ZEB1: variants seen among roughly 807,000 people sequenced by gnomAD.
ZEB1 encodes zinc finger E-box binding homeobox 1.
Under a neutral mutation model 84.9 loss-of-function variants are expected in ZEB1, and 21 were observed. That is an observed-to-expected ratio of 0.25 (90% CI 0.18 to 0.36). ZEB1 has a LOEUF of 0.36. Ranked by LOEUF, ZEB1 falls within the 10% of genes least tolerant of loss-of-function variation. ZEB1 has a pLI of 1.00. For missense variants in ZEB1, 1,104 were observed against 1,330.2 expected (o/e 0.83, Z 2.65); for synonymous variants, 420 against 471.1 (o/e 0.89, Z 1.41).
intron 1 of ZEB1, among the ~76,000 whole-genome samples, chr10:31,445,352 T>C (rs28804789): frequency 2.8e-4 from 41 of 148,502 alleles, no homozygotes; most frequent in African/African-American, 7.8e-4. Flanking sequence ...ACAATCATGT[T>C]GTCTGCAAAC....
intron 1 of ZEB1, among the ~76,000 whole-genome samples, chr10:31,408,215 C>T (rs1007254807): frequency 1.1e-4 from 16 of 150,656 alleles, no homozygotes; most frequent in African/African-American, 3.9e-4. Flanking sequence ...TCAAGGAGAA[C>T]TACAAACCAC....
At chr10:31,460,292 A>G (rs989993773) in intron 1 of ZEB1, among the ~76,000 whole-genome samples, 7 of 152,142 alleles carry the variant, frequency 4.6e-5, no homozygotes, top group African/African-American at 1.7e-4. Context: ...ATTAAAAATT[A>G]TAGAAAAAGG....
intron 5 of ZEB1, among the ~76,000 whole-genome samples, chr10:31,513,340 G>A (rs1329055172): frequency 3.3e-5 from 5 of 152,176 alleles, no homozygotes; most frequent in Non-Finnish European, 7.3e-5. Flanking sequence ...TATTCACAGA[G>A]ATAGGAAATA....
chr10:31,402,207 G>A (rs1483247216), intron 1 of ZEB1, among the ~76,000 whole-genome samples: 1 of 151,960 alleles, frequency 6.6e-6, no homozygotes, highest in Non-Finnish European at 1.5e-5. Flanking sequence ...AGTGTAGGTT[G>A]GAGATGGTAT....
intron 1 of ZEB1, among the ~76,000 whole-genome samples, chr10:31,354,021 G>T (rs961459032): frequency 1.3e-5 from 2 of 152,200 alleles, no homozygotes; most frequent in African/African-American, 4.8e-5. Flanking sequence ...CTAGTGATTA[G>T]ATATTAGAAT....
At chr10:31,379,446 T>TGTGTATATATATATAC (rs2047250209) in intron 1 of ZEB1, among the ~76,000 whole-genome samples, 1 of 151,946 alleles carries the variant, frequency 6.6e-6, no homozygotes, top group South Asian at 2.1e-4. Flanking sequence ...TCTCTCTGTG[T>TGTGTATATATATATAC]GTGTATATAT....
At chr10:31,362,520 C>T (rs1204560108) in intron 1 of ZEB1, among the ~76,000 whole-genome samples, 14 of 143,090 alleles carry the variant, frequency 9.8e-5, no homozygotes, top group East Asian at 8.6e-4. Flanking sequence ...ACTGCCCAGA[C>T]GGGGCAGGGC....
chr10:31,345,525 A>G (rs1042710573), intron 1 of ZEB1, among the ~76,000 whole-genome samples: 4 of 152,120 alleles, frequency 2.6e-5, no homozygotes, highest in Non-Finnish European at 5.9e-5. Flanking sequence ...ATGTTCCCAT[A>G]AAGAGCTAAA....
At chr10:31,326,603 TACTAGTTAGCTTGG>T (rs2035549002) in intron 1 of ZEB1, among the ~76,000 whole-genome samples, 1 of 152,210 alleles carries the variant, frequency 6.6e-6, no homozygotes, top group African/African-American at 2.4e-5. Flanking sequence ...AAGTTTATGT[TACTAGTTAGCTTGG>T]ACTAGGTCAC....
At chr10:31,518,640 C>T (rs2071651895) in intron 6 of ZEB1, among the ~76,000 whole-genome samples, 1 of 152,078 alleles carries the variant, frequency 6.6e-6, no homozygotes, top group Admixed American at 6.6e-5. Context: ...AAGGCTTGGA[C>T]AGGTTAAGAA....
rs1259011709 is a variant in ZEB1 at position 31,461,161 on chromosome 10, G to A, written c.183G>A (p.Leu61=). 1.2e-6 allele frequency: 2 copies of A among 1,613,524 alleles called. No individual in the cohort carries two copies. The highest frequency in any genetic ancestry group is 2.2e-5 in the South Asian group (2 of 91,058). The change falls in exon 2 of 9, where the codon CTG becomes CTA. Residue 61 remains leucine, a synonymous_variant. Transcript: ENST00000424869. ...ADCEGVPEDD[L]PTDQTVLPGR... ...GTGAAGGTGTACCAGAGGATGACCTGCCAACAGACCAGACAGTGTTACCAG... is the reference window on the plus strand; with the variant it reads ...GTGAAGGTGTACCAGAGGATGACCTACCAACAGACCAGACAGTGTTACCAG...
intron 1 of ZEB1, among the ~76,000 whole-genome samples, chr10:31,324,538 T>G (rs1314367929): frequency 6.6e-6 from 1 of 152,044 alleles, no homozygotes; most frequent in Non-Finnish European, 1.5e-5. Flanking sequence ...AGAAAAATCA[T>G]GCAGATGTTG....
chr10:31,473,645 T>C (rs1323908935), intron 2 of ZEB1, among the ~76,000 whole-genome samples: 3 of 148,966 alleles, frequency 2.0e-5, no homozygotes, highest in Non-Finnish European at 4.5e-5. Context: ...CAAGGTAATT[T>C]ACAGATTCAA....
At chr10:31,384,351 C>T (rs962062066) in intron 1 of ZEB1, among the ~76,000 whole-genome samples, 1 of 152,172 alleles carries the variant, frequency 6.6e-6, no homozygotes, top group Non-Finnish European at 1.5e-5. Flanking sequence ...AATGCTTACT[C>T]TCAATTTCTA....
chr10:31,486,414 C>A (rs980809492), intron 2 of ZEB1, among the ~76,000 whole-genome samples: 11 of 151,634 alleles, frequency 7.3e-5, no homozygotes, highest in African/African-American at 2.4e-4. Context: ...TTTACTTTAA[C>A]CATTCTAATA....
chr10:31,362,980 C>T (rs1432551503), intron 1 of ZEB1: 1 of 1,534,088 alleles, frequency 6.5e-7, no homozygotes, highest in Admixed American at 2.0e-5. Flanking sequence ...AGGAGATAGA[C>T]ATGGAAGCTT....
chr10:31,514,526 C>A, intron 5 of ZEB1, 77 bp from the exon 6 acceptor site: 1 of 1,305,334 alleles, frequency 7.7e-7, no homozygotes, highest in South Asian at 1.3e-5. Flanking sequence ...ACAAAAATGT[C>A]ACTCTTAGTA....
intron 1 of ZEB1, among the ~76,000 whole-genome samples, chr10:31,415,363 G>A (rs2055033901): frequency 6.6e-6 from 1 of 151,932 alleles, no homozygotes; most frequent in Admixed American, 6.6e-5. Flanking sequence ...TACTAATCAC[G>A]AGTATAGAAA....
At chr10:31,465,407 A>C (rs1430661721) in intron 2 of ZEB1, among the ~76,000 whole-genome samples, 4 of 151,686 alleles carry the variant, frequency 2.6e-5, no homozygotes, top group Non-Finnish European at 5.9e-5. Context: ...TGGATAATTA[A>C]AAGAAAAAAA....
Sources: gnomAD v4.1 joint callset for allele counts (sites outside exome capture counted in the v4.1 genomes callset) on GRCh38, gnomAD v4.1.1 for gene constraint, MANE v1.5 for transcripts, NCBI Gene and HGNC (gene_info 2026-07-23, HGNC 2026-07-21) for gene names.